The following PPFIA2 variants were observed in gnomAD, a reference collection of about 807,000 sequenced individuals.
PPFIA2 encodes the protein PPFI scaffold protein A2.
PPFIA2 carries 46 observed loss-of-function variants against 175.5 expected under a neutral mutation model. The ratio of observed to expected loss-of-function variants is 0.26; its 90% CI spans 0.21 to 0.34. The LOEUF is 0.34. Among genes scored for constraint, PPFIA2 ranks in the 10% least tolerant of loss-of-function variants. The pLI is 1.00. For synonymous variants in PPFIA2, 568 were observed against 511.4 expected (o/e 1.11, Z -1.49); for missense variants, 1,179 against 1,506.1 (o/e 0.78, Z 3.60).
rs2059415101 is a variant in PPFIA2, at chr12:81,597,906, A to C, written c.303+78885T>G. ...TATAGCACTTTGTTAAAAGTTTGAC[A>C]ATACATTAACTTACTAAGTAGTGAA... On this transcript the variant is annotated intron_variant, in intron 4 of 32. Coordinates refer to ENST00000549396, the MANE Select transcript of PPFIA2 (RefSeq NM_003625.5). 2 of 1,513,634 alleles carry C rather than the reference A, an allele frequency of 1.3e-6. No homozygotes were observed. Among genetic ancestry groups the C allele is most frequent in the Non-Finnish European group, 1.8e-6 (2 of 1,129,234 alleles). 93.8% of individuals were successfully genotyped at this position (1,513,634 alleles called of 1,614,324 possible). A position where few individuals can be genotyped will look rare whatever the true frequency, so the allele number is the denominator to read the frequency against.
chr12:81,496,980 T>C (rs1198490673), intron 4 of PPFIA2, among the ~76,000 whole-genome samples: 1 of 152,170 alleles, frequency 6.6e-6, no homozygotes, highest in Non-Finnish European at 1.5e-5. Context: ...TTAGCCCTAC[T>C]GAAGCTCCAT....
intron 18 of PPFIA2, among the ~76,000 whole-genome samples, chr12:81,347,142 C>T (rs547948567): frequency 7.9e-5 from 12 of 151,440 alleles, no homozygotes; most frequent in African/African-American, 1.5e-4. Flanking sequence ...TTTTGAGATG[C>T]GGTCTTGCTA....
intron 17 of PPFIA2, among the ~76,000 whole-genome samples, chr12:81,349,432 G>A (rs1443655690): frequency 1.3e-5 from 2 of 152,054 alleles, no homozygotes; most frequent in African/African-American, 4.8e-5. Flanking sequence ...TACTCTCAAA[G>A]TTTATTTTCA....
At chr12:81,619,779 TACTC>T (rs1317338199) in intron 4 of PPFIA2, among the ~76,000 whole-genome samples, 1 of 152,184 alleles carries the variant, frequency 6.6e-6, no homozygotes, top group Non-Finnish European at 1.5e-5. Context: ...ATATTCCTGA[TACTC>T]AGCTGCAAAG....
intron 4 of PPFIA2, among the ~76,000 whole-genome samples, chr12:81,596,388 T>C (rs2059248101): frequency 6.6e-6 from 1 of 152,084 alleles, no homozygotes; most frequent in Non-Finnish European, 1.5e-5. Flanking sequence ...CAGGATCAAA[T>C]ATTTTAGGAA....
At chr12:81,642,703 T>TGTATATAATATATACATA (rs1173180908) in intron 4 of PPFIA2, among the ~76,000 whole-genome samples, 242 of 13,922 alleles carry the variant, frequency 0.017, 64 homozygotes, top group Non-Finnish European at 0.022. Flanking sequence ...CATACATGTA[T>TGTATATAATATATACATA]ATGTATGTAT....
intron 7 of PPFIA2, among the ~76,000 whole-genome samples, chr12:81,415,703 CA>C (rs60269234): frequency 1.6e-3 from 218 of 136,860 alleles, no homozygotes; most frequent in Admixed American, 1.3e-3. Context: ...ATTCCAATAG[CA>C]AAAAAAAAAA....
At chr12:81,285,732 G>T (rs555351348) in intron 24 of PPFIA2, among the ~76,000 whole-genome samples, 9 of 152,184 alleles carry the variant, frequency 5.9e-5, no homozygotes, top group African/African-American at 2.2e-4. Context: ...AGTATAGCAC[G>T]TGCAACTATG....
chr12:81,503,669 C>G (rs540593695), intron 4 of PPFIA2, among the ~76,000 whole-genome samples: 11 of 149,612 alleles, frequency 7.4e-5, no homozygotes, highest in South Asian at 2.1e-4. Flanking sequence ...TAGTTTTGTA[C>G]AGTAATTAAT....
chr12:81,354,523 CTTCTAA>C (rs1366957628), intron 16 of PPFIA2, among the ~76,000 whole-genome samples: 1 of 152,178 alleles, frequency 6.6e-6, no homozygotes, highest in African/African-American at 2.4e-5. Flanking sequence ...TCAGGCTCTA[CTTCTAA>C]TTCTAGTTCT....
intron 4 of PPFIA2, chr12:81,512,338 T>C: frequency 7.8e-7 from 1 of 1,288,764 alleles, no homozygotes; most frequent in Non-Finnish European, 1.0e-6. Context: ...TGCTATCTCT[T>C]ATGTACCTGC....
intron 4 of PPFIA2, among the ~76,000 whole-genome samples, chr12:81,514,952 T>C (rs1047215926): frequency 6.6e-6 from 1 of 151,926 alleles, no homozygotes; most frequent in Non-Finnish European, 1.5e-5. Flanking sequence ...TTATCCACTT[T>C]TTTGCATTCC....
At chr12:81,642,735 A>G (rs559422119) in intron 4 of PPFIA2, among the ~76,000 whole-genome samples, 3,612 of 7,008 alleles carry the variant, frequency 0.52, 1,500 homozygotes, top group South Asian at 0.65. Flanking sequence ...ATACATGTAT[A>G]TGTATGTATG....
intron 22 of PPFIA2, among the ~76,000 whole-genome samples, chr12:81,317,992 C>T (rs1242692835): frequency 1.3e-5 from 2 of 151,674 alleles, no homozygotes; most frequent in Non-Finnish European, 3.0e-5. Flanking sequence ...GTGGTCAATT[C>T]TTTCTTCCTA....
At chr12:81,746,290 A>G (rs952956591) in intron 3 of PPFIA2, among the ~76,000 whole-genome samples, 1 of 144,804 alleles carries the variant, frequency 6.9e-6, no homozygotes, top group African/African-American at 2.4e-5. Flanking sequence ...GGAATAAAAC[A>G]AAATATTTAA....
chr12:81,601,213 T>C (rs971284472), intron 4 of PPFIA2, among the ~76,000 whole-genome samples: 4 of 151,994 alleles, frequency 2.6e-5, no homozygotes, highest in Admixed American at 1.3e-4. Flanking sequence ...CAATGCTTTA[T>C]TCTAAATGTT....
intron 20 of PPFIA2, among the ~76,000 whole-genome samples, chr12:81,340,385 A>AT (rs1396373173): frequency 6.6e-6 from 1 of 152,124 alleles, no homozygotes; most frequent in East Asian, 1.9e-4. Flanking sequence ...ATGTGTCTAC[A>AT]GATGCTGCAA....
At chr12:81,431,343 C>A (rs1324027615) in intron 7 of PPFIA2, 1 of 151,840 alleles carries the variant, frequency 6.6e-6, no homozygotes, top group Non-Finnish European at 1.5e-5. Context: ...TTTTGGCTTT[C>A]CAATTTTAAG....
intron 3 of PPFIA2, among the ~76,000 whole-genome samples, chr12:81,708,788 G>A (rs2077525247): frequency 6.6e-6 from 1 of 152,122 alleles, no homozygotes; most frequent in Non-Finnish European, 1.5e-5. Flanking sequence ...GGCCCTTAAT[G>A]GAAGATGTCT....
Sources: gnomAD v4.1 joint callset for allele counts (sites outside exome capture counted in the v4.1 genomes callset) on GRCh38, gnomAD v4.1.1 for gene constraint, MANE v1.5 for transcripts, NCBI Gene and HGNC (gene_info 2026-07-23, HGNC 2026-07-21) for gene names.